CNTN4: variants seen among roughly 807,000 people sequenced by gnomAD.
The protein encoded by CNTN4 is contactin-4.
Under a neutral mutation model 122.5 loss-of-function variants are expected in CNTN4, and 77 were observed. The ratio of observed to expected loss-of-function variants is 0.63; its 90% CI spans 0.52 to 0.76. The LOEUF (loss-of-function observed/expected upper bound fraction) is 0.76, where lower values mean the gene tolerates loss of function less well. Among genes scored for constraint, CNTN4 ranks in the 30% least tolerant of loss-of-function variants. The pLI, the probability that CNTN4 is intolerant of heterozygous loss-of-function variation, is 0.00. For missense variants in CNTN4, 1,256 were observed against 1,259.1 expected, an observed-to-expected ratio of 1.00 and a Z score of 0.04; for synonymous variants, 512 against 447.0, an observed-to-expected ratio of 1.15 and a Z score of -1.83.
intron 20 of CNTN4, among the ~76,000 whole-genome samples, chr3:3,041,462 A>G (rs1425545901): frequency 6.6e-5 from 10 of 152,220 alleles, no homozygotes; most frequent in Admixed American, 1.3e-4. Context: ...CTAAGATTCA[A>G]GAGAGCTGGA....
chr3:2,586,296 ATTTG>A (rs1054225571), intron 4 of CNTN4, among the ~76,000 whole-genome samples: 10 of 151,818 alleles, frequency 6.6e-5, no homozygotes, highest in Non-Finnish European at 1.0e-4. Flanking sequence ...TTGTTTGTTC[ATTTG>A]TTTGTTTTTG....
In CNTN4 at chr3:2,591,656, G is replaced by T. The variant is rs189638092; in HGVS notation, c.55+20098G>T. Among the ~76,000 whole-genome samples, 2 of 51,664 alleles carry T rather than the reference G, an allele frequency of 3.9e-5. 1 individual carries two copies. Among genetic ancestry groups the T allele is most frequent in the East Asian group, 7.2e-4 (2 of 2,770 alleles). 33.9% of individuals were successfully genotyped at this position (51,664 alleles called of 152,430 possible). A position where few individuals can be genotyped will look rare whatever the true frequency, so the allele number is the denominator to read the frequency against. ...TGGGATTACAGGCGTGAGCCACCGC[G>T]CCCGGCCGATTTGTGACTTTTTAAA... is the stretch of plus-strand genomic sequence containing the variant. On this transcript the variant is annotated intron_variant, in intron 4 of 24. Coordinates refer to ENST00000418658, the MANE Select transcript of CNTN4 (RefSeq NM_175607.3).
intron 2 of CNTN4, among the ~76,000 whole-genome samples, chr3:2,212,167 G>A (rs1467299130): frequency 6.6e-6 from 1 of 151,894 alleles, no homozygotes; most frequent in Non-Finnish European, 1.5e-5. Context: ...TAGAGATGGG[G>A]TCTCACTATG....
intron 12 of CNTN4, among the ~76,000 whole-genome samples, chr3:2,905,525 G>A (rs1018532253): frequency 2.0e-5 from 3 of 152,142 alleles, no homozygotes; most frequent in Non-Finnish European, 2.9e-5. Context: ...CCTCATAGGG[G>A]CTTCACCTCT....
At chr3:2,900,341 G>C (rs1302608721) in intron 10 of CNTN4, among the ~76,000 whole-genome samples, 3 of 152,110 alleles carry the variant, frequency 2.0e-5, no homozygotes, top group Non-Finnish European at 4.4e-5. Flanking sequence ...ATACCAGCCT[G>C]GTTAAAAGTG....
intron 3 of CNTN4, among the ~76,000 whole-genome samples, chr3:2,363,221 CTAGTATTTTTCA>C (rs2045232470): frequency 6.6e-6 from 1 of 152,156 alleles, no homozygotes; most frequent in East Asian, 1.9e-4. Flanking sequence ...AGAAAATAAA[CTAGTATTTTTCA>C]AATGTCTCCT....
intron 13 of CNTN4, among the ~76,000 whole-genome samples, chr3:2,978,315 C>T (rs779970380): frequency 1.8e-4 from 28 of 152,170 alleles, no homozygotes; most frequent in Non-Finnish European, 3.5e-4. Context: ...CCCTAAATCC[C>T]GGCCCCATGT....
intron 4 of CNTN4, among the ~76,000 whole-genome samples, chr3:2,694,418 A>C (rs142154558): frequency 6.6e-6 from 1 of 152,330 alleles, no homozygotes; most frequent in East Asian, 1.9e-4. Flanking sequence ...ACTTCTTTAC[A>C]TTCCCAGAAA....
At chr3:2,266,046 G>A (rs1421045499) in intron 2 of CNTN4, among the ~76,000 whole-genome samples, 3 of 151,984 alleles carry the variant, frequency 2.0e-5, no homozygotes, top group Non-Finnish European at 4.4e-5. Flanking sequence ...CAATTTGTAT[G>A]CCTTTTCTTT....
chr3:2,234,832 A>G (rs2039621860), intron 2 of CNTN4, among the ~76,000 whole-genome samples: 1 of 152,120 alleles, frequency 6.6e-6, no homozygotes, highest in South Asian at 2.1e-4. Context: ...TGCCAGAGGA[A>G]CATGTGATTG....
chr3:2,208,534 A>G (rs1480018325), intron 2 of CNTN4, among the ~76,000 whole-genome samples: 1 of 152,200 alleles, frequency 6.6e-6, no homozygotes, highest in African/African-American at 2.4e-5. Context: ...ATAACAACAC[A>G]GGATTTAGAA....
At chr3:2,647,377 T>C (rs1290085467) in intron 4 of CNTN4, among the ~76,000 whole-genome samples, 1 of 125,312 alleles carries the variant, frequency 8.0e-6, no homozygotes, top group Non-Finnish European at 1.7e-5. Flanking sequence ...GCGAAACTCA[T>C]CTCATAAATA....
At chr3:2,807,325 A>G (rs1275121730) in intron 6 of CNTN4, among the ~76,000 whole-genome samples, 1 of 152,188 alleles carries the variant, frequency 6.6e-6, no homozygotes, top group East Asian at 1.9e-4. Flanking sequence ...TGATGAATGA[A>G]CACGTAGCTT....
intron 13 of CNTN4, chr3:2,927,294 C>G: frequency 4.4e-6 from 2 of 455,948 alleles, no homozygotes; most frequent in Non-Finnish European, 8.8e-6. Context: ...TCTTTTGCAC[C>G]TAGTGTACAT....
intron 3 of CNTN4, among the ~76,000 whole-genome samples, chr3:2,513,086 C>T (rs982982830): frequency 2.0e-5 from 3 of 152,146 alleles, no homozygotes; most frequent in Non-Finnish European, 4.4e-5. Context: ...GACTCTGGTA[C>T]CTCTGAGTAG....
intron 2 of CNTN4, among the ~76,000 whole-genome samples, chr3:2,328,590 C>T (rs1464976575): frequency 2.6e-5 from 4 of 151,874 alleles, no homozygotes; most frequent in African/African-American, 9.7e-5. Flanking sequence ...CTTCCTTACA[C>T]GTATACAGTT....
At chr3:2,884,136 C>T (rs915643552) in intron 9 of CNTN4, among the ~76,000 whole-genome samples, 3 of 151,740 alleles carry the variant, frequency 2.0e-5, no homozygotes, top group Admixed American at 6.6e-5. Context: ...GCAGGATCTG[C>T]GTATGTTGCC....
chr3:2,628,014 G>A (rs1035889030), intron 4 of CNTN4, among the ~76,000 whole-genome samples: 2 of 152,134 alleles, frequency 1.3e-5, no homozygotes, highest in African/African-American at 4.8e-5. Context: ...ATTGATGAGG[G>A]ACTTGCTTCG....
intron 3 of CNTN4, among the ~76,000 whole-genome samples, chr3:2,539,806 A>AT (rs1254356245): frequency 2.0e-5 from 3 of 152,002 alleles, no homozygotes; most frequent in Non-Finnish European, 4.4e-5. Context: ...ATAAAATGGC[A>AT]TTTTTTTCCC....
Sources: gnomAD v4.1 joint callset for allele counts (sites outside exome capture counted in the v4.1 genomes callset) on GRCh38, gnomAD v4.1.1 for gene constraint, MANE v1.5 for transcripts, NCBI Gene and HGNC (gene_info 2026-07-23, HGNC 2026-07-21) for gene names.